CAPN8: variants seen among roughly 807,000 people sequenced by gnomAD.
CAPN8 encodes the protein calpain-8.
In CAPN8, 87 loss-of-function variants were observed where a neutral mutation model predicts 80.9. The ratio of observed to expected loss-of-function variants is 1.07; its 90% CI spans 0.90 to 1.28. The LOEUF (loss-of-function observed/expected upper bound fraction) is 1.28. Among genes scored for constraint, CAPN8 ranks in the 50% most tolerant of loss-of-function variants. CAPN8 has a pLI of 0.00. For missense variants in CAPN8, 757 were observed against 702.0 expected (o/e 1.08, Z -0.89); for synonymous variants, 299 against 273.8 (o/e 1.09, Z -0.91).
chr1:223,554,147 G>C (rs1656857731), intron 13 of CAPN8, among the ~76,000 whole-genome samples: 1 of 152,158 alleles, frequency 6.6e-6, no homozygotes, highest in Non-Finnish European at 1.5e-5. Context: ...CTCTCTAAGT[G>C]ATTTGGGGAA....
chr1:223,627,919 G>T, intron 4 of CAPN8, 90 bp downstream of exon 4: 1 of 1,415,090 alleles, frequency 7.1e-7, no homozygotes. Context: ...GACGCCCTGA[G>T]TTTGGGGTGG....
chr1:223,656,671 TTTTTGTTTTG>T (rs1272507110), intron 1 of CAPN8, among the ~76,000 whole-genome samples: 4 of 82,586 alleles, frequency 4.8e-5, no homozygotes, highest in Non-Finnish European at 1.0e-4. Context: ...GTTTTGGGTT[TTTTTGTTTTG>T]TTTTTTTTTT....
In CAPN8 at chr1:223,549,369, T is replaced by C; in HGVS notation, c.1713A>G (p.Lys571=). ...AAGTGTTGATGTTGAATCCATCGAATTTTATGTCTGTTCCTAAAGATTTAA... is the reference window on the plus strand; with the variant it reads ...AAGTGTTGATGTTGAATCCATCGAACTTTATGTCTGTTCCTAAAGATTTAA... ...NEAFSKRTDI[K]FDGFNINTCR... The change falls in exon 16 of 21, where the codon AAA becomes AAG. Residue 571 remains lysine (K), a synonymous_variant. Coordinates refer to ENST00000366872, the MANE Select transcript of CAPN8 (RefSeq NM_001143962.2). The C allele has an allele frequency of 6.4e-7, 1 of 1,551,864 alleles. No homozygotes were observed. Among genetic ancestry groups the C allele is most frequent in the Non-Finnish European group, 8.7e-7 (1 of 1,147,032 alleles).
chr1:223,544,522 G>A lies in CAPN8; in HGVS notation c.1912+250C>T, dbSNP rs550623457. Among the ~76,000 whole-genome samples the A allele has an allele frequency of 3.9e-5, 6 of 152,232 alleles. No individual in the cohort carries two copies. In the South Asian group the frequency reaches 1.2e-3, roughly 32 times the overall value. ...TGTCTCCTTCATAGCCCCTTCCTCT[G>A]TAATTGCTGTCACCTTCCCAGTAAC... On this transcript the variant is annotated intron_variant, in intron 18 of 20. Transcript: ENST00000366872.
chr1:223,632,495 C>A (rs568109299), intron 2 of CAPN8, among the ~76,000 whole-genome samples: 4 of 152,244 alleles, frequency 2.6e-5, no homozygotes, highest in African/African-American at 9.6e-5. Context: ...ACCTCAGCCT[C>A]CCAAATTGCT....
intron 2 of CAPN8, among the ~76,000 whole-genome samples, chr1:223,630,942 A>G (rs909385624): frequency 6.6e-6 from 1 of 152,114 alleles, no homozygotes; most frequent in African/African-American, 2.4e-5. Context: ...TTCTTCTATG[A>G]ACACCTGTGA....
chr1:223,626,970 G>A lies in CAPN8; in HGVS notation c.729+19C>T, dbSNP rs556499815. ...GGCGGTGGGGGGAGGTGGGGCAGTA[G>A]AGAAGCCATATGCCTCACATCAATG... On this transcript the variant is annotated intron_variant, in intron 5 of 20. Coordinates refer to ENST00000366872, the MANE Select transcript of CAPN8 (RefSeq NM_001143962.2). 2.6e-6 allele frequency: 4 copies of A among 1,547,234 alleles called. No homozygotes were observed. The highest frequency in any genetic ancestry group is 1.2e-5 in the South Asian group (1 of 83,900).
At chr1:223,650,551 T>C (rs12118128) in intron 2 of CAPN8, among the ~76,000 whole-genome samples, 13,240 of 152,236 alleles carry the variant, frequency 0.087, 613 homozygotes, top group South Asian at 0.13. Context: ...TCGTCCTGTT[T>C]CCTGCCAGAT....
intron 2 of CAPN8, among the ~76,000 whole-genome samples, chr1:223,645,342 T>C (rs1045285890): frequency 6.6e-6 from 1 of 152,026 alleles, no homozygotes; most frequent in Admixed American, 6.6e-5. Context: ...CAAATGTTAA[T>C]CTCCTTTGGC....
chr1:223,659,936 G>A lies in CAPN8; in HGVS notation c.237+5474C>T, dbSNP rs74705589. Among the ~76,000 whole-genome samples, 464 of 152,220 alleles carry A rather than the reference G, an allele frequency of 3.0e-3. 4 individuals are homozygous for A. The highest frequency in any genetic ancestry group is 5.1e-3 in the Non-Finnish European group (348 of 68,012). On this transcript the variant is annotated intron_variant, in intron 1 of 20. Coordinates refer to ENST00000366872, the MANE Select transcript of CAPN8 (RefSeq NM_001143962.2). ...TGGCCTGCCAGCTGTCCACTTGTCC[G>A]TATGTCTCTCCCTGATGAGCCAAAG...
At chr1:223,630,577 C>T (rs542585817) in intron 2 of CAPN8, among the ~76,000 whole-genome samples, 1 of 152,078 alleles carries the variant, frequency 6.6e-6, no homozygotes, top group South Asian at 2.1e-4. Flanking sequence ...CTCAAGTGAT[C>T]CTCCCATCTT....
intron 11 of CAPN8, among the ~76,000 whole-genome samples, chr1:223,610,610 C>A (rs896555693): frequency 2.6e-5 from 4 of 152,116 alleles, no homozygotes; most frequent in African/African-American, 7.2e-5. Context: ...GGGAAGGGGG[C>A]AAACTGAGTT....
intron 6 of CAPN8, among the ~76,000 whole-genome samples, chr1:223,625,270 CACAA>C (rs1172217544): frequency 1.3e-5 from 2 of 152,072 alleles, no homozygotes; most frequent in African/African-American, 4.8e-5. Context: ...GTTTTGCCCA[CACAA>C]ACATATTTTT....
intron 2 of CAPN8, among the ~76,000 whole-genome samples, chr1:223,652,077 T>C (rs1389851116): frequency 6.6e-6 from 1 of 152,142 alleles, no homozygotes; most frequent in Admixed American, 6.5e-5. Context: ...GATGAAATAA[T>C]CACACAGAAC....
chr1:223,554,430 G>A (rs1656861968), intron 13 of CAPN8, among the ~76,000 whole-genome samples: 1 of 151,938 alleles, frequency 6.6e-6, no homozygotes, highest in South Asian at 2.1e-4. Flanking sequence ...TAGTAGCCTG[G>A]GCAACACGGT....
At position 223,548,615 on chromosome 1, in the gene CAPN8, T is replaced by G. The variant is rs74564869; in HGVS notation, c.1764+703A>C. Among the ~76,000 whole-genome samples the G allele has an allele frequency of 8.5e-3, 1,289 of 152,298 alleles. 16 individuals are homozygous for G. The highest frequency in any genetic ancestry group is 0.028 in the African/African-American group (1,173 of 41,556). On this transcript the variant is annotated intron_variant, in intron 16 of 20. Transcript: ENST00000366872. The stretch of plus-strand genomic sequence containing the variant: ...GAAGTTATAGCAAGAAGATGCCATC[T>G]ATGAACTAGGAAACTGGCCCTTATC...
At chr1:223,623,435 A>G (rs1657463647) in intron 6 of CAPN8, among the ~76,000 whole-genome samples, 1 of 152,210 alleles carries the variant, frequency 6.6e-6, no homozygotes, top group East Asian at 1.9e-4. Context: ...CTAGTTAGTA[A>G]GTGGTGAACG....
intron 16 of CAPN8, among the ~76,000 whole-genome samples, chr1:223,549,006 G>T (rs962134605): frequency 1.4e-4 from 22 of 151,820 alleles, no homozygotes; most frequent in African/African-American, 5.3e-4. Flanking sequence ...AGAGTGTGGA[G>T]GGAGCAGGTG....
chr1:223,556,388 A>C (rs1463059805), intron 13 of CAPN8, among the ~76,000 whole-genome samples: 1 of 152,176 alleles, frequency 6.6e-6, no homozygotes, highest in Non-Finnish European at 1.5e-5. Flanking sequence ...GAAGATGTTG[A>C]AAGTTTACAG....
Sources: allele counts gnomAD v4.1 joint callset (sites outside exome capture counted in the v4.1 genomes callset), GRCh38; gene constraint gnomAD v4.1.1; transcripts MANE v1.5; gene names NCBI Gene and HGNC (gene_info 2026-07-23, HGNC 2026-07-21).